Variants in MRC1 observed in about 807,000 individuals in gnomAD.
MRC1 encodes the protein mannose receptor C-type 1, also known as macrophage mannose receptor 1.
Under a neutral mutation model 102.9 loss-of-function variants are expected in MRC1, and 62 were observed. The observed-to-expected ratio is 0.60, with a 90% CI of 0.49 to 0.74. The LOEUF (loss-of-function observed/expected upper bound fraction) is 0.74. Ranked by LOEUF, MRC1 falls within the 30% of genes least tolerant of loss-of-function variation. The pLI is 0.00. For synonymous variants in MRC1, 457 were observed against 298.4 expected (o/e 1.53, Z -5.48); for missense variants, 1,237 against 862.8 (o/e 1.43, Z -5.43).
At chr10:17,831,946 T>G (rs1272876701) in intron 3 of MRC1, among the ~76,000 whole-genome samples, 4 of 151,714 alleles carry the variant, frequency 2.6e-5, no homozygotes, top group African/African-American at 9.8e-5. Context: ...AGCTTGTGAT[T>G]TTTTACTCTG....
rs1833914579 is a variant in MRC1, at chr10:17,907,718, C to T, written c.4078+20C>T. On this transcript the variant is annotated intron_variant, in intron 28 of 29. Coordinates refer to ENST00000569591, the MANE Select transcript of MRC1 (RefSeq NM_002438.4). Reference sequence around the variant, plus strand: ...CAAAAAGTAAGTAAGAAGTTTGTTGCATGGTGCATATCACTGGCTGCCATT... The same window carrying T: ...CAAAAAGTAAGTAAGAAGTTTGTTGTATGGTGCATATCACTGGCTGCCATT... The T allele has an allele frequency of 1.3e-6, 1 of 780,574 alleles. No homozygotes were observed. The highest frequency in any genetic ancestry group is 1.7e-5 in the African/African-American group (1 of 59,130). 48.4% of individuals were successfully genotyped at this position (780,574 alleles called of 1,614,324 possible). A position where few individuals can be genotyped will look rare whatever the true frequency, so the allele number is the denominator to read the frequency against.
At chr10:17,868,599 T>C (rs1303333615) in intron 12 of MRC1, among the ~76,000 whole-genome samples, 1 of 152,218 alleles carries the variant, frequency 6.6e-6, no homozygotes, top group Non-Finnish European at 1.5e-5. Context: ...ATGATACTGT[T>C]TTCTAATAGT....
intron 4 of MRC1, among the ~76,000 whole-genome samples, chr10:17,836,760 T>C (rs1238895786): frequency 1.3e-5 from 2 of 151,842 alleles, no homozygotes; most frequent in Non-Finnish European, 2.9e-5. Flanking sequence ...GGCTTGAACC[T>C]GGGAGGTGGA....
intron 7 of MRC1, among the ~76,000 whole-genome samples, chr10:17,851,004 T>C (rs1838907649): frequency 6.6e-6 from 1 of 152,170 alleles, no homozygotes; most frequent in African/African-American, 2.4e-5. Context: ...CAATAGAAGA[T>C]AATAATGGAA....
chr10:17,873,855 T>A (rs1198849787), intron 16 of MRC1, 30 bp downstream of exon 16: 1 of 871,868 alleles, frequency 1.1e-6, no homozygotes, highest in Non-Finnish European at 2.0e-6. Context: ...CTGATCTCTG[T>A]ACTGATAACC....
intron 24 of MRC1, 83 bp downstream of exon 24, chr10:17,898,349 A>C (rs1833783463): frequency 1.3e-6 from 1 of 779,600 alleles, no homozygotes; most frequent in Non-Finnish European, 2.4e-6. Context: ...GTTCTGTTGA[A>C]TACTCATTAT....
intron 15 of MRC1, among the ~76,000 whole-genome samples, chr10:17,872,681 A>G (rs1473280820): frequency 6.6e-6 from 1 of 152,028 alleles, no homozygotes; most frequent in Non-Finnish European, 1.5e-5. Flanking sequence ...CTATTAGCCA[A>G]ACCATGTTAT....
chr10:17,902,829 C>T (rs550122053), intron 26 of MRC1, among the ~76,000 whole-genome samples: 16 of 152,174 alleles, frequency 1.1e-4, no homozygotes, highest in South Asian at 6.2e-4. Flanking sequence ...GTATCTTAGC[C>T]GATGAGGTTT....
At chr10:17,869,482 C>A (rs1012944419) in intron 12 of MRC1, among the ~76,000 whole-genome samples, 1 of 152,036 alleles carries the variant, frequency 6.6e-6, no homozygotes, top group Non-Finnish European at 1.5e-5. Context: ...TGAGGAGTAA[C>A]GCATGAGAAT....
At chr10:17,901,642 T>A (rs1833830988) in intron 25 of MRC1, among the ~76,000 whole-genome samples, 2 of 151,732 alleles carry the variant, frequency 1.3e-5, no homozygotes, top group East Asian at 3.9e-4. Flanking sequence ...TGAGACAAGA[T>A]CGCGCCATTG....
intron 1 of MRC1, among the ~76,000 whole-genome samples, chr10:17,820,712 A>G (rs1348441797): frequency 6.6e-6 from 1 of 152,216 alleles, no homozygotes; most frequent in African/African-American, 2.4e-5. Flanking sequence ...AGGTAGAATA[A>G]CACAAACAAA....
chr10:17,844,602 T>G (rs1166679795), intron 5 of MRC1, among the ~76,000 whole-genome samples: 2 of 152,242 alleles, frequency 1.3e-5, no homozygotes, highest in African/African-American at 4.8e-5. Flanking sequence ...CAGAGATACA[T>G]GTACACGGTT....
chr10:17,881,834 G>GTTTTTT (rs1159143035), intron 21 of MRC1, among the ~76,000 whole-genome samples: 1 of 61,858 alleles, frequency 1.6e-5, no homozygotes, highest in Non-Finnish European at 2.7e-5. Context: ...ATTTTTTAAA[G>GTTTTTT]TTTTTTTTTT....
At chr10:17,814,951 C>T (rs1474145644) in intron 1 of MRC1, among the ~76,000 whole-genome samples, 4 of 152,192 alleles carry the variant, frequency 2.6e-5, no homozygotes, top group African/African-American at 4.8e-5. Context: ...CAGGCGGGAG[C>T]CACCGTGCCT....
intron 21 of MRC1, among the ~76,000 whole-genome samples, chr10:17,882,330 T>G (rs1231671619): frequency 1.3e-5 from 2 of 151,436 alleles, no homozygotes; most frequent in Non-Finnish European, 2.9e-5. Context: ...AACCAATGAG[T>G]GATGGTCACA....
intron 17 of MRC1, 83 bp downstream of exon 17, chr10:17,875,336 G>A (rs1400071323): frequency 2.6e-6 from 2 of 758,202 alleles, no homozygotes; most frequent in African/African-American, 1.7e-5. Flanking sequence ...GTTCTTTAGT[G>A]GTGATTTCTG....
At chr10:17,902,438 T>TG (rs1554843715) in intron 26 of MRC1, among the ~76,000 whole-genome samples, 2 of 151,994 alleles carry the variant, frequency 1.3e-5, no homozygotes, top group East Asian at 1.9e-4. Context: ...TTATCACTGG[T>TG]AAGCTGAAGT....
chr10:17,900,503 G>A (rs1366372039), intron 24 of MRC1, among the ~76,000 whole-genome samples: 1 of 152,082 alleles, frequency 6.6e-6, no homozygotes, highest in Non-Finnish European at 1.5e-5. Flanking sequence ...CAAACAAGGG[G>A]AGTTTCACGG....
intron 1 of MRC1, among the ~76,000 whole-genome samples, chr10:17,815,286 A>G (rs1838293589): frequency 6.6e-6 from 1 of 152,186 alleles, no homozygotes; most frequent in Non-Finnish European, 1.5e-5. Context: ...GCCAAATCCT[A>G]GAGCTCTGAT....
Sources: gnomAD v4.1 joint callset for allele counts (sites outside exome capture counted in the v4.1 genomes callset) on GRCh38, gnomAD v4.1.1 for gene constraint, MANE v1.5 for transcripts, NCBI Gene and HGNC (gene_info 2026-07-23, HGNC 2026-07-21) for gene names.